The following FHIT variants were observed in gnomAD, a reference collection of about 807,000 sequenced individuals.
FHIT encodes the protein fragile histidine triad diadenosine triphosphatase, also known as bis(5'-adenosyl)-triphosphatase.
A neutral mutation model predicts 17.9 loss-of-function variants in FHIT; 19 were observed. The ratio of observed to expected loss-of-function variants is 1.06; its 90% confidence interval spans 0.74 to 1.56. The LOEUF (loss-of-function observed/expected upper bound fraction) is 1.56. FHIT is among the 40% of genes most tolerant of loss of function. The pLI is 0.00. For synonymous variants in FHIT, 81 were observed against 69.7 expected, an observed-to-expected ratio of 1.16 and a Z score of -0.81; for missense variants, 248 against 189.2, an observed-to-expected ratio of 1.31 and a Z score of -1.82.
intron 2 of FHIT, among the ~76,000 whole-genome samples, chr3:61,125,776 T>A (rs2036588348): frequency 6.6e-6 from 1 of 152,150 alleles, no homozygotes; most frequent in Non-Finnish European, 1.5e-5. Context: ...TCTCAGGTAG[T>A]CAGATGGGGA....
chr3:60,481,874 G>C lies in FHIT; in HGVS notation c.103+54986C>G, dbSNP rs1046961257. ...TTAAATGCGCCAATTAAAAGACACA[G>C]ACTGGCAAATTGGATAAAGAGTCAA... On this transcript the variant is annotated intron_variant, in intron 5 of 9. Coordinates refer to ENST00000492590, the MANE Select transcript of FHIT (RefSeq NM_002012.4). Among the ~76,000 whole-genome samples, 5 of 152,170 alleles carry C rather than the reference G, an allele frequency of 3.3e-5. No individual in the cohort carries two copies. The East Asian group carries it at 9.6e-4, about 29-fold the overall frequency.
chr3:60,188,620 A>T (rs1234630624), intron 5 of FHIT, among the ~76,000 whole-genome samples: 1 of 152,178 alleles, frequency 6.6e-6, no homozygotes, highest in African/African-American at 2.4e-5. Context: ...TTTTGACAGT[A>T]ACTATTTTTA....
At chr3:60,282,891 A>G (rs1311729129) in intron 5 of FHIT, among the ~76,000 whole-genome samples, 3 of 152,168 alleles carry the variant, frequency 2.0e-5, no homozygotes, top group Admixed American at 6.5e-5. Context: ...GGCTGCTAAG[A>G]TATCAGCAGT....
At chr3:60,311,562 A>T (rs1049970891) in intron 5 of FHIT, among the ~76,000 whole-genome samples, 3 of 152,232 alleles carry the variant, frequency 2.0e-5, no homozygotes, top group African/African-American at 7.2e-5. Flanking sequence ...AGCTCATTAT[A>T]TTTTAGTTAT....
chr3:59,946,717 C>G (rs1325338856), intron 7 of FHIT, among the ~76,000 whole-genome samples: 1 of 152,084 alleles, frequency 6.6e-6, no homozygotes, highest in African/African-American at 2.4e-5. Flanking sequence ...GGATTTTTAA[C>G]AAGAAGGATG....
At chr3:60,695,960 G>C (rs886811089) in intron 4 of FHIT, among the ~76,000 whole-genome samples, 29 of 152,198 alleles carry the variant, frequency 1.9e-4, no homozygotes, top group African/African-American at 7.0e-4. Flanking sequence ...TGTGATTATG[G>C]AAAACCAAGG....
chr3:60,200,748 T>C (rs1702863756), intron 5 of FHIT, among the ~76,000 whole-genome samples: 1 of 152,114 alleles, frequency 6.6e-6, no homozygotes. Flanking sequence ...GAATGATTTA[T>C]TTTAATGCTA....
chr3:59,872,031 C>A (rs137876276), intron 8 of FHIT, among the ~76,000 whole-genome samples: 2 of 152,304 alleles, frequency 1.3e-5, no homozygotes, highest in African/African-American at 4.8e-5. Context: ...AGATTAAACT[C>A]TCCAGATTAT....
intron 7 of FHIT, among the ~76,000 whole-genome samples, chr3:59,947,640 G>A (rs1056338062): frequency 1.9e-4 from 29 of 152,150 alleles, no homozygotes; most frequent in Non-Finnish European, 4.4e-5. Flanking sequence ...GGAGTATGCT[G>A]CAACCCTGGG....
intron 2 of FHIT, among the ~76,000 whole-genome samples, chr3:61,049,022 G>A (rs1279216920): frequency 6.6e-6 from 1 of 151,914 alleles, no homozygotes; most frequent in Non-Finnish European, 1.5e-5. Context: ...TATACCTAAT[G>A]CTAAATGATG....
At chr3:60,206,592 C>T (rs1364547705) in intron 5 of FHIT, among the ~76,000 whole-genome samples, 2 of 152,146 alleles carry the variant, frequency 1.3e-5, no homozygotes, top group Admixed American at 1.3e-4. Flanking sequence ...GCAAGGGCTG[C>T]ACCAAAACGA....
intron 8 of FHIT, among the ~76,000 whole-genome samples, chr3:59,827,143 C>CA (rs369078518): frequency 3.3e-5 from 5 of 152,308 alleles, no homozygotes; most frequent in African/African-American, 1.2e-4. Flanking sequence ...GTACCCCACC[C>CA]ACTAAGGCTG....
intron 5 of FHIT, among the ~76,000 whole-genome samples, chr3:60,387,665 T>TTC (rs1051605327): frequency 6.6e-6 from 1 of 152,152 alleles, no homozygotes; most frequent in Non-Finnish European, 1.5e-5. Flanking sequence ...CTCTCTTGAC[T>TTC]TCTCTCTCTG....
intron 4 of FHIT, among the ~76,000 whole-genome samples, chr3:60,540,379 C>T (rs2036147156): frequency 6.6e-6 from 1 of 152,202 alleles, no homozygotes; most frequent in Non-Finnish European, 1.5e-5. Context: ...CATGGGGTCC[C>T]TGATTTATAG....
Position 59,783,059 on chromosome 3 carries a change from G to A in FHIT, c.349-30738C>T, listed in dbSNP as rs183692474. ...GGGAGTAGGGGTCCAGTCTGGGGCT[G>A]CTGCCTCTTCTGATTGGCTGCCTGG... On this transcript the variant is annotated intron_variant, in intron 8 of 9. Coordinates refer to ENST00000492590, the MANE Select transcript of FHIT (RefSeq NM_002012.4). Among the ~76,000 whole-genome samples the A allele has an allele frequency of 3.3e-5, 5 of 152,222 alleles. No individual in the cohort carries two copies. The East Asian group carries it at 9.7e-4, about 29-fold the overall frequency.
chr3:60,026,030 G>A (rs9832932), intron 5 of FHIT, among the ~76,000 whole-genome samples: 2,558 of 150,220 alleles, frequency 0.017, 74 homozygotes, highest in African/African-American at 0.06. Flanking sequence ...GGGGGGGAAA[G>A]AAAAGTTCTT....
At chr3:60,006,158 A>T (rs1312779846) in intron 7 of FHIT, among the ~76,000 whole-genome samples, 1 of 152,206 alleles carries the variant, frequency 6.6e-6, no homozygotes, top group Non-Finnish European at 1.5e-5. Flanking sequence ...TGCATACACC[A>T]GAGGCTAAAA....
At chr3:60,731,469 T>C (rs1249599612) in intron 4 of FHIT, among the ~76,000 whole-genome samples, 1 of 152,192 alleles carries the variant, frequency 6.6e-6, no homozygotes, top group Non-Finnish European at 1.5e-5. Context: ...GTTTCATATA[T>C]TGGCATACTT....
chr3:60,415,729 A>AG (rs535006269), intron 5 of FHIT, among the ~76,000 whole-genome samples: 429 of 35,094 alleles, frequency 0.012, 1 homozygote, highest in African/African-American at 0.026. Flanking sequence ...CAAACGCCTG[A>AG]GTTAAAAAAA....
Sources: allele counts gnomAD v4.1 joint callset (sites outside exome capture counted in the v4.1 genomes callset), GRCh38; gene constraint gnomAD v4.1.1; transcripts MANE v1.5; gene names NCBI Gene and HGNC (gene_info 2026-07-23, HGNC 2026-07-21).